ZNF280D: variants seen among roughly 807,000 people sequenced by gnomAD.
ZNF280D encodes the protein suppressor of hairy wing homolog 4.
A neutral mutation model predicts 94.7 loss-of-function variants in ZNF280D; 39 were observed. The ratio of observed to expected loss-of-function variants is 0.41; its 90% CI spans 0.32 to 0.54. The LOEUF is 0.54. ZNF280D is among the 20% of genes least tolerant of loss of function. The pLI, the probability that ZNF280D is intolerant of heterozygous loss-of-function variation, is 0.22. For missense variants in ZNF280D, 1,090 were observed against 1,149.3 expected, an observed-to-expected ratio of 0.95 and a Z score of 0.75; for synonymous variants, 398 against 377.6, an observed-to-expected ratio of 1.05 and a Z score of -0.63.
chr15:56,636,132 T>C (rs1160401888), intron 20 of ZNF280D, among the ~76,000 whole-genome samples: 3 of 152,054 alleles, frequency 2.0e-5, no homozygotes, highest in South Asian at 4.1e-4. Flanking sequence ...GGCAAAGAAA[T>C]AAAATATTTT....
intron 6 of ZNF280D, among the ~76,000 whole-genome samples, chr15:56,694,637 T>C (rs1473364975): frequency 6.6e-6 from 1 of 152,156 alleles, no homozygotes; most frequent in African/African-American, 2.4e-5. Flanking sequence ...AATTGGCATG[T>C]TACCATAATA....
intron 4 of ZNF280D, among the ~76,000 whole-genome samples, chr15:56,703,663 G>C (rs1452579098): frequency 6.6e-6 from 1 of 152,018 alleles, no homozygotes. Flanking sequence ...AGAGCAGCCT[G>C]GGCAGCATGG....
chr15:56,684,952 TAAAG>T (rs2055896682), intron 9 of ZNF280D, among the ~76,000 whole-genome samples: 1 of 152,052 alleles, frequency 6.6e-6, no homozygotes, highest in Non-Finnish European at 1.5e-5. Context: ...CTTCAAAACA[TAAAG>T]AATGTAGACA....
chr15:56,710,216 A>C (rs894028435), intron 1 of ZNF280D, among the ~76,000 whole-genome samples: 1 of 152,154 alleles, frequency 6.6e-6, no homozygotes, highest in Non-Finnish European at 1.5e-5. Context: ...CAGCCTGGCC[A>C]ACACAGAGTC....
chr15:56,648,192 A>G (rs1596345138), intron 19 of ZNF280D, among the ~76,000 whole-genome samples: 1 of 152,232 alleles, frequency 6.6e-6, no homozygotes. Context: ...CTCTGCCTCT[A>G]TATGTTTTCC....
chr15:56,672,017 T>C (rs2054898256), intron 13 of ZNF280D, among the ~76,000 whole-genome samples: 1 of 152,162 alleles, frequency 6.6e-6, no homozygotes, highest in Non-Finnish European at 1.5e-5. Flanking sequence ...TAGTGATTTT[T>C]GCACATTGAC....
rs2053689424 is a variant in ZNF280D, at chr15:56,658,430, T to C, written c.2051A>G (p.Asn684Ser). 1 of 1,588,728 alleles carries C rather than the reference T, an allele frequency of 6.3e-7. No homozygotes were observed. The highest frequency in any genetic ancestry group is 8.5e-7 in the Non-Finnish European group (1 of 1,172,232). Residue 684 changes from asparagine to serine, a missense_variant, in exon 17 of 22, where the codon AAT becomes AGT. By Grantham distance (46) the Asn-to-Ser change is conservative. Coordinates refer to ENST00000267807, the MANE Select transcript of ZNF280D (RefSeq NM_017661.4). ...RFCIFKKHSE[N>S]LRGITLVCLN... The stretch of plus-strand genomic sequence containing the variant: ...AAAAAGATCAACTAGTTACCGGAGA[T>C]TTTCTGAATGCTTCTTAAAAATACA...
rs1566960975 is a variant in ZNF280D, at chr15:56,669,955, ATATATATTATAT to A, written c.1411-1010_1411-999del. 4.1e-3 allele frequency among the ~76,000 whole-genome samples: 15 copies of A among 3,678 alleles called. 5 individuals carry two copies. The Admixed American group carries it at 0.087, about 21-fold the overall frequency. The allele number at this position is 3,678 out of a possible 152,430, so 2.4% of individuals were successfully genotyped here. A position where few individuals can be genotyped will look rare whatever the true frequency, so the allele number is the denominator to read the frequency against. On this transcript the variant is annotated intron_variant, in intron 13 of 21. Transcript: ENST00000267807. ...TATATATTATATATATATATTATAT[ATATATATTATAT>A]ATATATAATATATATATTATATATA...
intron 6 of ZNF280D, among the ~76,000 whole-genome samples, chr15:56,694,128 A>C (rs985508322): frequency 2.6e-5 from 4 of 152,182 alleles, no homozygotes; most frequent in Non-Finnish European, 5.9e-5. Context: ...GATCTTAAGA[A>C]GAGAGGAGTG....
At chr15:56,675,111 A>G (rs1460999651) in intron 13 of ZNF280D, among the ~76,000 whole-genome samples, 1 of 151,986 alleles carries the variant, frequency 6.6e-6, no homozygotes, top group Non-Finnish European at 1.5e-5. Context: ...AGGCACTCCA[A>G]ACAAAAAAGA....
chr15:56,728,403 A>T (rs1057241063), intron 1 of ZNF280D, among the ~76,000 whole-genome samples: 51 of 152,226 alleles, frequency 3.4e-4, no homozygotes, highest in Non-Finnish European at 6.9e-4. Context: ...TAGACATTTT[A>T]AAAAATTCAT....
At chr15:56,679,277 T>C (rs1474794822) in intron 10 of ZNF280D, among the ~76,000 whole-genome samples, 1 of 151,856 alleles carries the variant, frequency 6.6e-6, no homozygotes, top group African/African-American at 2.4e-5. Flanking sequence ...AGCTACAGAG[T>C]CAGGAGGAAA....
Position 56,635,195 on chromosome 15 carries a change from C to G in ZNF280D, c.2315G>C (p.Ser772Thr). The G allele has an allele frequency of 6.5e-7, 1 of 1,540,982 alleles. No individual in the cohort carries two copies. Among genetic ancestry groups the G allele is most frequent in the Non-Finnish European group, 8.7e-7 (1 of 1,143,426 alleles). Residue 772 changes from serine to threonine, a missense_variant and splice_region_variant, in exon 21 of 22, where the codon AGT becomes ACT. Physicochemically the swap from Ser to Thr is moderately conservative, Grantham distance 58 (BLOSUM62 1). Coordinates refer to ENST00000267807, the MANE Select transcript of ZNF280D (RefSeq NM_017661.4). ...ERETETSNSE[S>T]KQDKAASSKE... ...AAATTCAGTTTTTCCTTATATTTACCTTTCAGAATTTGATGTTTCTGTTTC... is the reference window on the plus strand; with the variant it reads ...AAATTCAGTTTTTCCTTATATTTACGTTTCAGAATTTGATGTTTCTGTTTC...
intron 9 of ZNF280D, among the ~76,000 whole-genome samples, chr15:56,687,794 T>C (rs2056129143): frequency 6.6e-6 from 1 of 152,220 alleles, no homozygotes. Context: ...AACGTGCAGT[T>C]ATCCAGGGCT....
chr15:56,676,696 A>G lies in ZNF280D; in HGVS notation c.1384T>C (p.Tyr462His). ...TGATGCTTCATATAATGATGCATAT[A>G]TGGTGTTGCAATTTTAATAACTTTG... is the stretch of plus-strand genomic sequence containing the variant. ...CLKVIKIATPYMHHYMKHQKK... is the reference protein window; with the variant it reads ...CLKVIKIATPHMHHYMKHQKK... The change falls in exon 13 of 22, where the codon TAT becomes CAT. Residue 462 changes from tyrosine to histidine, a missense_variant. Tyr to His is a moderately conservative substitution (Grantham distance 83). Coordinates refer to ENST00000267807, the MANE Select transcript of ZNF280D (RefSeq NM_017661.4). 1 of 1,612,380 alleles carries G rather than the reference A, an allele frequency of 6.2e-7. No individual in the cohort carries two copies. The highest frequency in any genetic ancestry group is 8.5e-7 in the Non-Finnish European group (1 of 1,179,058).
intron 16 of ZNF280D, among the ~76,000 whole-genome samples, chr15:56,665,840 A>T (rs1463454981): frequency 1.3e-5 from 2 of 152,184 alleles, no homozygotes; most frequent in African/African-American, 4.8e-5. Context: ...AGTTCCATGG[A>T]AAAACTATTT....
rs1478532183 is a variant in ZNF280D, at chr15:56,662,293, T to TA, written c.1995-3808dup. Among the ~76,000 whole-genome samples, 6 of 152,108 alleles carry TA rather than the reference T, an allele frequency of 3.9e-5. No homozygotes were observed. The South Asian group carries it at 8.3e-4, about 21-fold the overall frequency. On this transcript the variant is annotated intron_variant, in intron 16 of 21. Coordinates refer to ENST00000267807, the MANE Select transcript of ZNF280D (RefSeq NM_017661.4). ...AGAACTGAACCTAAAAAATGCTGCT[T>TA]AAAAAAAATTAAAAATTACACATTT...
In ZNF280D at chr15:56,685,694, TAGA is replaced by T. The variant is rs369294232; in HGVS notation, c.781-3220_781-3218del. On this transcript the variant is annotated intron_variant, in intron 9 of 21. Coordinates refer to ENST00000267807, the MANE Select transcript of ZNF280D (RefSeq NM_017661.4). ...GAACAGTAGAGAATTGCTAAAGGAATAGAAGACTAGTGGAGTTATACATTAAAA... is the reference window on the plus strand; with the variant it reads ...GAACAGTAGAGAATTGCTAAAGGAATAGACTAGTGGAGTTATACATTAAAA... Among the ~76,000 whole-genome samples, 47 of 152,274 alleles carry T rather than the reference TAGA, an allele frequency of 3.1e-4. No individual in the cohort carries two copies. The South Asian group carries it at 7.9e-3, about 26-fold the overall frequency.
At chr15:56,698,016 C>G (rs1232950868) in intron 6 of ZNF280D, 1 of 152,116 alleles carries the variant, frequency 6.6e-6, no homozygotes, top group East Asian at 1.9e-4. Context: ...GAATATATAA[C>G]TGGAAAAGGG....
Sources: gnomAD v4.1 joint callset for allele counts (sites outside exome capture counted in the v4.1 genomes callset) on GRCh38, gnomAD v4.1.1 for gene constraint, MANE v1.5 for transcripts, NCBI Gene and HGNC (gene_info 2026-07-23, HGNC 2026-07-21) for gene names.